The following PRKD1 variants were observed in gnomAD, a reference collection of about 807,000 sequenced individuals.
PRKD1 encodes the protein protein kinase D1.
PRKD1 carries 63 observed loss-of-function variants against 95.9 expected under a neutral mutation model. The ratio of observed to expected loss-of-function variants is 0.66; its 90% confidence interval spans 0.54 to 0.81. The LOEUF is 0.81. Ranked by LOEUF, PRKD1 falls within the 30% of genes least tolerant of loss-of-function variation. The pLI is 0.00. For synonymous variants in PRKD1, 425 were observed against 423.1 expected (o/e 1.00, Z -0.05); for missense variants, 1,048 against 1,165.3 (o/e 0.90, Z 1.47).
intron 1 of PRKD1, among the ~76,000 whole-genome samples, chr14:29,859,815 G>A (rs980440978): frequency 2.6e-5 from 4 of 152,110 alleles, no homozygotes; most frequent in Non-Finnish European, 5.9e-5. Context: ...GCAAAAAGAC[G>A]TGGAATTCTT....
intron 2 of PRKD1, among the ~76,000 whole-genome samples, chr14:29,687,560 G>C (rs1014178476): frequency 3.9e-5 from 6 of 152,180 alleles, no homozygotes; most frequent in Admixed American, 3.3e-4. Context: ...TGTCTGGAAG[G>C]GGGGCCTGAA....
At chr14:29,687,038 T>C (rs1883919919) in intron 2 of PRKD1, among the ~76,000 whole-genome samples, 1 of 152,124 alleles carries the variant, frequency 6.6e-6, no homozygotes, top group African/African-American at 2.4e-5. Flanking sequence ...TAAGTCCTCC[T>C]GAGGCAAAGG....
intron 2 of PRKD1, among the ~76,000 whole-genome samples, chr14:29,684,499 C>T (rs1883738516): frequency 6.6e-6 from 1 of 152,128 alleles, no homozygotes; most frequent in Non-Finnish European, 1.5e-5. Context: ...TTTTATATTT[C>T]TTCTGTATCC....
intron 13 of PRKD1, among the ~76,000 whole-genome samples, chr14:29,611,007 A>C (rs1878422215): frequency 6.6e-6 from 1 of 152,242 alleles, no homozygotes. Flanking sequence ...GGATAGTTGA[A>C]CATGTGAAGC....
intron 13 of PRKD1, among the ~76,000 whole-genome samples, chr14:29,607,180 G>C (rs141160511): frequency 3.9e-5 from 6 of 152,262 alleles, no homozygotes; most frequent in African/African-American, 1.4e-4. Flanking sequence ...TTTGATAACT[G>C]AAAGTTTACA....
intron 13 of PRKD1, among the ~76,000 whole-genome samples, chr14:29,614,725 G>A (rs1030704754): frequency 2.6e-5 from 4 of 151,544 alleles, no homozygotes; most frequent in African/African-American, 7.3e-5. Context: ...TTGAGACAGA[G>A]TCTCACTTTG....
chr14:29,633,725 G>C (rs188202531), intron 8 of PRKD1, among the ~76,000 whole-genome samples: 1 of 152,160 alleles, frequency 6.6e-6, no homozygotes, highest in East Asian at 1.9e-4. Flanking sequence ...AGAACTAGGC[G>C]GTATTCAATT....
At chr14:29,752,552 T>C (rs1830270602) in intron 1 of PRKD1, among the ~76,000 whole-genome samples, 2 of 151,180 alleles carry the variant, frequency 1.3e-5, no homozygotes, top group Non-Finnish European at 2.9e-5. Context: ...TGGACAAATA[T>C]TTATTATTAT....
In PRKD1 at chr14:29,732,165, G is replaced by A. The variant is rs541073887; in HGVS notation, c.265-6491C>T. 1.9e-3 allele frequency among the ~76,000 whole-genome samples: 287 copies of A among 152,152 alleles called. 1 individual carries two copies. The highest frequency in any genetic ancestry group is 6.5e-3 in the African/African-American group (270 of 41,514). The stretch of plus-strand genomic sequence containing the variant: ...TGGGATTACAGGCGTGAGTCACTGC[G>A]CTGGACCAACAATCCTTACCTTTTA... On this transcript the variant is annotated intron_variant, in intron 1 of 17. Transcript: ENST00000331968.
At chr14:29,760,932 G>A (rs992492420) in intron 1 of PRKD1, among the ~76,000 whole-genome samples, 2 of 151,970 alleles carry the variant, frequency 1.3e-5, no homozygotes, top group Non-Finnish European at 2.9e-5. Flanking sequence ...TTACGTTTTA[G>A]CCAAAATCTT....
chr14:29,619,537 A>G (rs1879103523), intron 13 of PRKD1, among the ~76,000 whole-genome samples: 1 of 152,232 alleles, frequency 6.6e-6, no homozygotes. Context: ...TTCTAGTGGT[A>G]GAGCCAAGGT....
chr14:29,778,949 G>A (rs1235790916), intron 1 of PRKD1, among the ~76,000 whole-genome samples: 1 of 152,146 alleles, frequency 6.6e-6, no homozygotes, highest in Non-Finnish European at 1.5e-5. Flanking sequence ...ATGATCAAGT[G>A]AGATTCATCC....
chr14:29,598,340 TA>T (rs1313766544), intron 15 of PRKD1, among the ~76,000 whole-genome samples: 200 of 149,964 alleles, frequency 1.3e-3, no homozygotes, highest in African/African-American at 4.6e-3. Context: ...AATGAAAAAA[TA>T]AAAACAGTCT....
intron 1 of PRKD1, among the ~76,000 whole-genome samples, chr14:29,809,563 T>C (rs1374421819): frequency 6.6e-6 from 1 of 152,248 alleles, no homozygotes; most frequent in African/African-American, 2.4e-5. Context: ...GCACTTTTAT[T>C]TTATGGTGAT....
At chr14:29,822,628 A>G (rs1890958759) in intron 1 of PRKD1, among the ~76,000 whole-genome samples, 1 of 152,202 alleles carries the variant, frequency 6.6e-6, no homozygotes, top group South Asian at 2.1e-4. Context: ...CTGTGTTTGC[A>G]GGCAGCTAAT....
chr14:29,648,952 C>A (rs889427303), intron 4 of PRKD1, among the ~76,000 whole-genome samples: 1 of 152,042 alleles, frequency 6.6e-6, no homozygotes. Flanking sequence ...CCATGCCCGG[C>A]CTGGCTGGGG....
chr14:29,680,158 T>G (rs1239216953), intron 2 of PRKD1, among the ~76,000 whole-genome samples: 1 of 152,178 alleles, frequency 6.6e-6, no homozygotes, highest in African/African-American at 2.4e-5. Context: ...TCTTTAAAAA[T>G]GTACTGTCAT....
At chr14:29,696,611 G>A (rs1005624895) in intron 2 of PRKD1, among the ~76,000 whole-genome samples, 20 of 152,128 alleles carry the variant, frequency 1.3e-4, no homozygotes, top group Non-Finnish European at 2.6e-4. Context: ...TTTTATATGA[G>A]TGAATTTTAT....
chr14:29,695,902 G>C (rs1190261305), intron 2 of PRKD1, among the ~76,000 whole-genome samples: 2 of 152,260 alleles, frequency 1.3e-5, no homozygotes, highest in East Asian at 3.9e-4. Flanking sequence ...GAATGTCAGA[G>C]GTTGATAGCA....
Sources: allele counts gnomAD v4.1 joint callset (sites outside exome capture counted in the v4.1 genomes callset), GRCh38; gene constraint gnomAD v4.1.1; transcripts MANE v1.5; gene names NCBI Gene and HGNC (gene_info 2026-07-23, HGNC 2026-07-21).